Variants in FMN2 observed in about 807,000 individuals in gnomAD.
The protein encoded by FMN2 is formin-2.
In FMN2, 51 loss-of-function variants were observed where a neutral mutation model predicts 142.3. That is an observed-to-expected ratio of 0.36 (90% CI 0.29 to 0.45). The LOEUF (loss-of-function observed/expected upper bound fraction) is 0.45. Ranked by LOEUF, FMN2 falls within the 20% of genes least tolerant of loss-of-function variation. FMN2 has a pLI of 1.00. For synonymous variants in FMN2, 882 were observed against 869.8 expected, an observed-to-expected ratio of 1.01 and a Z score of -0.25; for missense variants, 1,936 against 2,122.8, an observed-to-expected ratio of 0.91 and a Z score of 1.73.
Position 240,220,667 on chromosome 1 carries a change from T to G in FMN2, c.4065+9432T>G, listed in dbSNP as rs200339321. On this transcript the variant is annotated intron_variant, in intron 6 of 17. Transcript: ENST00000319653. ...AAGCTTCACTGGCATGAGTCTGTGT[T>G]TGTGTGTGTGTGTGTGTGTGTGTGT... Among the ~76,000 whole-genome samples, 56 of 149,200 alleles carry G rather than the reference T, an allele frequency of 3.8e-4. No homozygotes were observed. The South Asian group carries it at 5.0e-3, about 13-fold the overall frequency.
chr1:240,200,877 A>T (rs1462106503), intron 4 of FMN2, among the ~76,000 whole-genome samples: 1 of 152,138 alleles, frequency 6.6e-6, no homozygotes, highest in Non-Finnish European at 1.5e-5. Context: ...TCATCTTTGC[A>T]GTCTGTTATC....
intron 2 of FMN2, among the ~76,000 whole-genome samples, chr1:240,152,749 CAG>C (rs1663841700): frequency 6.6e-6 from 1 of 152,180 alleles, no homozygotes; most frequent in African/African-American, 2.4e-5. Flanking sequence ...CAGATCCATG[CAG>C]AGAGAAGCCT....
intron 1 of FMN2, among the ~76,000 whole-genome samples, chr1:240,105,956 T>C (rs1316622204): frequency 6.6e-6 from 1 of 152,200 alleles, no homozygotes; most frequent in African/African-American, 2.4e-5. Context: ...TTAAATATGG[T>C]AAGTTTTTGT....
At chr1:240,426,012 C>T (rs1674927145) in intron 15 of FMN2, among the ~76,000 whole-genome samples, 1 of 152,156 alleles carries the variant, frequency 6.6e-6, no homozygotes, top group South Asian at 2.1e-4. Context: ...TTAAATAATA[C>T]TTGAACGAGA....
chr1:240,398,256 G>T (rs917837721), intron 15 of FMN2, among the ~76,000 whole-genome samples: 2 of 152,066 alleles, frequency 1.3e-5, no homozygotes, highest in African/African-American at 4.8e-5. Flanking sequence ...TGCCCGCCTT[G>T]GCCTCCCAAA....
At position 240,454,423 on chromosome 1, in the gene FMN2, T is replaced by C. The variant is rs537408333; in HGVS notation, c.5060+16213T>C. The stretch of plus-strand genomic sequence containing the variant: ...TGGGCATGATGGTACCCACTTGTAA[T>C]CCCAGCTACTCAGGAGGCTGAGGCA... On this transcript the variant is annotated intron_variant, in intron 16 of 17. Coordinates refer to ENST00000319653, the MANE Select transcript of FMN2 (RefSeq NM_020066.5). Among the ~76,000 whole-genome samples the C allele has an allele frequency of 9.2e-5, 14 of 152,236 alleles. No homozygotes were observed. The South Asian group carries it at 2.7e-3, about 29-fold the overall frequency.
chr1:240,230,503 T>C lies in FMN2; in HGVS notation c.4065+19268T>C, dbSNP rs542800431. 4.2e-4 allele frequency among the ~76,000 whole-genome samples: 56 copies of C among 132,438 alleles called. 17 individuals carry two copies. Among genetic ancestry groups the C allele is most frequent in the African/African-American group, 1.5e-3 (46 of 31,124 alleles). The allele number at this position is 132,438 out of a possible 152,430, so 86.9% of individuals were successfully genotyped here. The stretch of plus-strand genomic sequence containing the variant: ...TCAGAGAGCCATAAAAAAATTTTGT[T>C]TTGAGGTGTGTATTAGTAGGAATGT... On this transcript the variant is annotated intron_variant, in intron 6 of 17. Transcript: ENST00000319653.
At chr1:240,210,049 T>C (rs1277437669) in intron 5 of FMN2, among the ~76,000 whole-genome samples, 2 of 152,134 alleles carry the variant, frequency 1.3e-5, no homozygotes, top group Non-Finnish European at 2.9e-5. Flanking sequence ...GTTTTGAAAA[T>C]TTCATGGCAC....
In FMN2 at chr1:240,471,318, G is replaced by T. The variant is rs559899713; in HGVS notation, c.5061-1054G>T. Among the ~76,000 whole-genome samples, 8 of 152,260 alleles carry T rather than the reference G, an allele frequency of 5.3e-5. No individual in the cohort carries two copies. The South Asian group carries it at 1.5e-3, about 28-fold the overall frequency. On this transcript the variant is annotated intron_variant, in intron 16 of 17. Transcript: ENST00000319653. ...TGTATGCATGAGTGTGTGTGGTATAGGAAGTTAATCTGAAATAATTTTAAG... is the reference window on the plus strand; with the variant it reads ...TGTATGCATGAGTGTGTGTGGTATATGAAGTTAATCTGAAATAATTTTAAG...
At chr1:240,213,664 C>T (rs970603974) in intron 6 of FMN2, among the ~76,000 whole-genome samples, 7 of 152,142 alleles carry the variant, frequency 4.6e-5, no homozygotes, top group African/African-American at 1.7e-4. Flanking sequence ...AAATTAATAG[C>T]CTTTAATGCC....
chr1:240,109,309 A>C lies in FMN2; in HGVS notation c.1616-13870A>C, dbSNP rs1545726. Among the ~76,000 whole-genome samples, 1,156 of 152,342 alleles carry C rather than the reference A, an allele frequency of 7.6e-3. 12 individuals are homozygous for C. The highest frequency in any genetic ancestry group is 0.027 in the African/African-American group (1,114 of 41,582). On this transcript the variant is annotated intron_variant, in intron 1 of 17. Transcript: ENST00000319653. ...GATTTCTTCTGGCTCTAACATACTGAAGATGAACATACTGAAGTGGATTGT... is the reference window on the plus strand; with the variant it reads ...GATTTCTTCTGGCTCTAACATACTGCAGATGAACATACTGAAGTGGATTGT...
intron 6 of FMN2, among the ~76,000 whole-genome samples, chr1:240,219,404 C>T (rs949509016): frequency 5.9e-5 from 9 of 152,234 alleles, no homozygotes; most frequent in African/African-American, 1.9e-4. Context: ...TATGATAGGT[C>T]CTACCTTTTG....
chr1:240,250,101 G>T (rs1668226468), intron 6 of FMN2, among the ~76,000 whole-genome samples: 1 of 152,026 alleles, frequency 6.6e-6, no homozygotes, highest in African/African-American at 2.4e-5. Context: ...TGATTTCTCT[G>T]GCTAGGAATT....
chr1:240,388,365 G>A (rs991330395), intron 14 of FMN2, among the ~76,000 whole-genome samples: 6 of 151,848 alleles, frequency 4.0e-5, no homozygotes, highest in Admixed American at 1.3e-4. Flanking sequence ...CTGCAATTCA[G>A]TGGCTGCATT....
In FMN2 at chr1:240,368,955, T is replaced by TTATATATATATA. The variant is rs10671772; in HGVS notation, c.4858+13054_4858+13065dup. On this transcript the variant is annotated intron_variant, in intron 14 of 17. Transcript: ENST00000319653. ...ATATTTAAAGTGTACAACACAATGT[T>TTATATATATATA]TATATATATATATATATAAACACAG... Among the ~76,000 whole-genome samples the TTATATATATATA allele has an allele frequency of 2.4e-3, 354 of 148,076 alleles. 2 individuals carry two copies. Among genetic ancestry groups the TTATATATATATA allele is most frequent in the African/African-American group, 8.6e-3 (342 of 39,738 alleles).
At chr1:240,274,853 G>T (rs1479339571) in intron 7 of FMN2, among the ~76,000 whole-genome samples, 3 of 152,114 alleles carry the variant, frequency 2.0e-5, no homozygotes, top group African/African-American at 7.2e-5. Flanking sequence ...TTAATGAAAG[G>T]TTGTCATTGC....
At chr1:240,111,941 G>A (rs1019062652) in intron 1 of FMN2, among the ~76,000 whole-genome samples, 7 of 152,110 alleles carry the variant, frequency 4.6e-5, no homozygotes, top group African/African-American at 1.7e-4. Context: ...AAAGGAATAG[G>A]CAGAAAATAA....
rs192786370 is a variant in FMN2 at position 240,428,097 on chromosome 1, C to T, written c.4911-9964C>T. Among the ~76,000 whole-genome samples the T allele has an allele frequency of 3.3e-3, 495 of 152,212 alleles. 4 individuals are homozygous for T. The highest frequency in any genetic ancestry group is 0.024 in the Middle Eastern group (7 of 294). ...CAATTTTCAAAATAATGAGCGGTGT[C>T]GCTAGCACCTTCCACCAAAAATGAA... On this transcript the variant is annotated intron_variant, in intron 15 of 17. Transcript: ENST00000319653.
chr1:240,431,733 T>C (rs1254822645), intron 15 of FMN2, among the ~76,000 whole-genome samples: 2 of 151,656 alleles, frequency 1.3e-5, no homozygotes, highest in Non-Finnish European at 3.0e-5. Context: ...ATTATATTTA[T>C]TTTTCTTTAT....
Sources: gnomAD v4.1 joint callset for allele counts (sites outside exome capture counted in the v4.1 genomes callset) on GRCh38, gnomAD v4.1.1 for gene constraint, MANE v1.5 for transcripts, NCBI Gene and HGNC (gene_info 2026-07-23, HGNC 2026-07-21) for gene names.